Variants in DGKH observed in about 807,000 individuals in gnomAD.
DGKH encodes the protein DAG kinase eta.
A neutral mutation model predicts 159.3 loss-of-function variants in DGKH; 90 were observed. The observed-to-expected ratio is 0.57, with a 90% confidence interval of 0.48 to 0.67. The LOEUF (loss-of-function observed/expected upper bound fraction) is 0.67. Ranked by LOEUF, DGKH falls within the 30% of genes least tolerant of loss-of-function variation. The probability of loss-of-function intolerance (pLI) is 0.00; values close to 1 mark genes in which losing one functional copy is unlikely to be tolerated. For synonymous variants in DGKH, 536 were observed against 553.8 expected, an observed-to-expected ratio of 0.97 and a Z score of 0.45; for missense variants, 1,181 against 1,506.1, an observed-to-expected ratio of 0.78 and a Z score of 3.57.
chr13:42,198,517 C>T lies in DGKH; in HGVS notation c.2207C>T (p.Ser736Leu), dbSNP rs868257718. 5 of 1,613,502 alleles carry T rather than the reference C, an allele frequency of 3.1e-6. No homozygotes were observed. The highest frequency in any genetic ancestry group is 3.3e-5 in the Admixed American group (2 of 59,952). Residue 736 changes from serine to leucine, a missense_variant, in exon 18 of 30, where the codon TCG (serine) becomes TTG (leucine). Physicochemically the swap from Ser to Leu is moderately radical, Grantham distance 145. Coordinates refer to ENST00000337343, the MANE Select transcript of DGKH (RefSeq NM_178009.5). ...CTGGCTGCCTCAATTGCTGGGAGTT[C>T]GATTATCAACAAAATGTTACTGGCA... ...AGLAASIAGSSIINKMLLANI... is the reference protein window; with the variant it reads ...AGLAASIAGSLIINKMLLANI...
At chr13:42,079,762 C>T (rs9532990) in intron 1 of DGKH, among the ~76,000 whole-genome samples, 65,221 of 151,966 alleles carry the variant, frequency 0.43, 14,334 homozygotes, top group Non-Finnish European at 0.49. Flanking sequence ...TATTTGAATG[C>T]ATTCAGCACT....
intron 1 of DGKH, among the ~76,000 whole-genome samples, chr13:42,122,021 A>G (rs1276225015): frequency 6.6e-6 from 1 of 152,198 alleles, no homozygotes; most frequent in Non-Finnish European, 1.5e-5. Context: ...GAGGTGCGGC[A>G]TGAAAAATTT....
At position 42,160,068 on chromosome 13, in the gene DGKH, G is replaced by C. The variant is rs143249155; in HGVS notation, c.787G>C (p.Val263Leu). The change falls in exon 7 of 30, where the codon GTC becomes CTC. Residue 263 changes from valine to leucine, a missense_variant. Around this residue, in one of 5 missense-constraint regions of DGKH, gnomAD observed 369 missense variants for 519.4 expected, o/e 0.71. Transcript: ENST00000337343. ...CCTGCCTGTAAGTGCCAAGTGTGCT[G>C]TCTGCGACAAAACATGTGGCAGTGT... Reference protein sequence around the residue: ...GNLPVSAKCAVCDKTCGSVLR... With the variant: ...GNLPVSAKCALCDKTCGSVLR... The C allele has an allele frequency of 1.2e-5, 19 of 1,614,104 alleles. No individual in the cohort carries two copies. In the African/African-American group the frequency reaches 2.3e-4, roughly 19 times the overall value.
At chr13:42,184,731 G>T (rs1956865296) in intron 13 of DGKH, among the ~76,000 whole-genome samples, 1 of 151,910 alleles carries the variant, frequency 6.6e-6, no homozygotes, top group South Asian at 2.1e-4. Context: ...GCTCAGCATG[G>T]TGACATGGAC....
intron 1 of DGKH, among the ~76,000 whole-genome samples, chr13:42,042,439 A>G (rs983663424): frequency 6.6e-6 from 1 of 152,180 alleles, no homozygotes; most frequent in Non-Finnish European, 1.5e-5. Context: ...TTCCACAGAA[A>G]ATATTCAGTT....
At chr13:42,147,027 T>C (rs930790808) in intron 3 of DGKH, among the ~76,000 whole-genome samples, 3 of 151,978 alleles carry the variant, frequency 2.0e-5, no homozygotes, top group Admixed American at 2.0e-4. Context: ...GATAAGGACA[T>C]AGATTAGCTT....
chr13:42,209,281 GT>G (rs755068064), intron 22 of DGKH, 49 bp from the exon 23 acceptor site: 53 of 1,578,346 alleles, frequency 3.4e-5, no homozygotes, highest in Non-Finnish European at 4.1e-5. Context: ...AAGATTGAGT[GT>G]CATTTTCTCT....
chr13:42,048,008 G>T (rs1246961882), upstream of DGKH, among the ~76,000 whole-genome samples: 1 of 151,180 alleles, frequency 6.6e-6, no homozygotes, highest in African/African-American at 2.4e-5. This position sits in a 1 kb window ranked among gnomAD's most constrained non-coding sequence, Gnocchi z 6.7. Flanking sequence ...CTTCTCTTCC[G>T]TGTGCGCCGG....
In DGKH at chr13:42,242,516, T is replaced by C. The variant is rs1958533352; in HGVS notation, c.*13328T>C. The C allele has an allele frequency of 6.6e-6, 1 of 152,206 alleles. No individual in the cohort carries two copies. Among genetic ancestry groups the C allele is most frequent in the Non-Finnish European group, 1.5e-5 (1 of 68,038 alleles). 9.4% of individuals were successfully genotyped at this position (152,206 alleles called of 1,614,324 possible). A position where few individuals can be genotyped will look rare whatever the true frequency, so the allele number is the denominator to read the frequency against. On this transcript the variant is annotated 3_prime_UTR_variant, in exon 30 of 30. Coordinates refer to ENST00000337343, the MANE Select transcript of DGKH (RefSeq NM_178009.5). ...TTAGTAATGGTAAGACAACGTGAGT[T>C]TTGTTTGTTTACATGCTGTTTACAA...
intron 3 of DGKH, among the ~76,000 whole-genome samples, chr13:42,149,847 G>C (rs969643557): frequency 2.0e-5 from 3 of 152,150 alleles, no homozygotes; most frequent in African/African-American, 7.2e-5. Context: ...AAACTTATAA[G>C]GGAAAACCAG....
intron 29 of DGKH, among the ~76,000 whole-genome samples, chr13:42,226,653 A>C (rs1224144501): frequency 6.6e-6 from 1 of 151,978 alleles, no homozygotes; most frequent in Non-Finnish European, 1.5e-5. Flanking sequence ...CAGGCATTCG[A>C]TATCAGCCTG....
intron 3 of DGKH, among the ~76,000 whole-genome samples, chr13:42,137,500 A>G (rs1955424658): frequency 6.6e-6 from 1 of 152,232 alleles, no homozygotes; most frequent in African/African-American, 2.4e-5. Context: ...GAACCTGTCC[A>G]CATCATCTGG....
intron 1 of DGKH, chr13:42,069,842 T>C: frequency 1.1e-6 from 1 of 879,958 alleles, no homozygotes; most frequent in Non-Finnish European, 1.8e-6. Flanking sequence ...GCAGAGTAAT[T>C]GGTATGGAAA....
At chr13:42,088,831 G>T (rs961959558) in intron 1 of DGKH, among the ~76,000 whole-genome samples, 10 of 152,010 alleles carry the variant, frequency 6.6e-5, no homozygotes, top group Non-Finnish European at 1.5e-5. Flanking sequence ...TTGTTGGGCT[G>T]GATAAATCAA....
chr13:42,105,547 CTGTTTAGACTTTGATTCTGCTACTTTGA>C, intron 1 of DGKH, among the ~76,000 whole-genome samples: 1 of 152,276 alleles, frequency 6.6e-6, no homozygotes, highest in South Asian at 2.1e-4. Flanking sequence ...TTCTCAAAGT[CTGTTTAGACTTTGATTCTGCTACTTTGA>C]TGTGGACTTC....
intron 1 of DGKH, among the ~76,000 whole-genome samples, chr13:42,076,151 C>A (rs566147956): frequency 3.3e-5 from 5 of 152,074 alleles, no homozygotes; most frequent in East Asian, 1.9e-4. Flanking sequence ...TTTAAAAAAA[C>A]CGAAGTCTGT....
At chr13:42,163,985 T>TA (rs1956254880) in intron 7 of DGKH, among the ~76,000 whole-genome samples, 1 of 152,218 alleles carries the variant, frequency 6.6e-6, no homozygotes, top group Non-Finnish European at 1.5e-5. Context: ...CTAGGGTTTT[T>TA]ATGGTTTTAG....
intron 20 of DGKH, among the ~76,000 whole-genome samples, chr13:42,200,419 A>G (rs1296986396): frequency 6.6e-6 from 1 of 152,222 alleles, no homozygotes; most frequent in African/African-American, 2.4e-5. Context: ...TTAAGGACAG[A>G]AAAAGTTATT....
chr13:42,162,902 T>C (rs1956222429), intron 7 of DGKH, among the ~76,000 whole-genome samples: 2 of 151,880 alleles, frequency 1.3e-5, no homozygotes, highest in Non-Finnish European at 2.9e-5. Flanking sequence ...AGGGTACATG[T>C]GCACAATGTG....
Sources: allele counts gnomAD v4.1 joint callset (sites outside exome capture counted in the v4.1 genomes callset), GRCh38; gene constraint gnomAD v4.1.1; regional missense constraint gnomAD v4.1.1; non-coding constraint Gnocchi (gnomAD v3.1); transcripts MANE v1.5; gene names NCBI Gene and HGNC (gene_info 2026-07-23, HGNC 2026-07-21).